TDRD1: variants seen among roughly 807,000 people sequenced by gnomAD.
The protein encoded by TDRD1 is tudor domain-containing protein 1.
Under a neutral mutation model 140.6 loss-of-function variants are expected in TDRD1, and 37 were observed. The observed-to-expected ratio is 0.26, with a 90% CI of 0.20 to 0.35. The LOEUF is 0.35. Among genes scored for constraint, TDRD1 ranks in the 10% least tolerant of loss-of-function variants. TDRD1 has a pLI of 1.00. For missense variants in TDRD1, 1,243 were observed against 1,393.0 expected, an observed-to-expected ratio of 0.89 and a Z score of 1.71; for synonymous variants, 506 against 475.7, an observed-to-expected ratio of 1.06 and a Z score of -0.83.
At position 114,213,956 on chromosome 10, in the gene TDRD1, A is replaced by G. The variant is rs1435783621; in HGVS notation, c.2075-21A>G. The stretch of plus-strand genomic sequence containing the variant: ...CATCCCTCCTCCACTATGTCCATTT[A>G]ATGTTTAATTATTTTCACAGTTCCC... On this transcript the variant is annotated intron_variant, in intron 15 of 25. Transcript: ENST00000251864. The G allele has an allele frequency of 3.1e-6, 5 of 1,613,328 alleles. No homozygotes were observed. In the African/African-American group the frequency reaches 4.0e-5, roughly 13 times the overall value.
chr10:114,181,736 T>C (rs969563731), intron 1 of TDRD1, among the ~76,000 whole-genome samples: 3 of 151,952 alleles, frequency 2.0e-5, no homozygotes, highest in Non-Finnish European at 4.4e-5. Flanking sequence ...TCCCAGCTAC[T>C]TGGGAGGCTG....
chr10:114,217,565 T>C (rs1426653757), exon 17 of TDRD1: 7 of 1,589,550 alleles, frequency 4.4e-6, no homozygotes, highest in Non-Finnish European at 6.0e-6. Flanking sequence ...ACTCAATGAT[T>C]TGAACAAGTC....
chr10:114,231,342 A>T, intron 25 of TDRD1: 3 of 686,596 alleles, frequency 4.4e-6, no homozygotes, highest in Non-Finnish European at 7.6e-6. Flanking sequence ...GGTGGTCATT[A>T]ATTTTCTTAA....
intron 1 of TDRD1, among the ~76,000 whole-genome samples, chr10:114,186,022 TCTAA>T (rs1159779251): frequency 9.9e-5 from 15 of 152,234 alleles, no homozygotes; most frequent in African/African-American, 3.4e-4. Flanking sequence ...CTGAGTTTTA[TCTAA>T]CTAAGACTAA....
At chr10:114,182,477 A>C (rs1424011208) in intron 1 of TDRD1, among the ~76,000 whole-genome samples, 3 of 152,200 alleles carry the variant, frequency 2.0e-5, no homozygotes, top group Non-Finnish European at 4.4e-5. Context: ...TTGTTTCTAA[A>C]GTCAAATATA....
At chr10:114,175,381 G>A (rs553661292), upstream of TDRD1, among the ~76,000 whole-genome samples, 2 of 151,690 alleles carry the variant, frequency 1.3e-5, no homozygotes, top group South Asian at 4.2e-4. Context: ...CACCATAAGA[G>A]AAAAGAAATA....
exon 8 of TDRD1, chr10:114,203,418 G>T: frequency 6.2e-7 from 1 of 1,610,858 alleles, no homozygotes; most frequent in African/African-American, 1.3e-5. Flanking sequence ...ACACCCAGGG[G>T]ACTTCTACGT....
intron 3 of TDRD1, among the ~76,000 whole-genome samples, chr10:114,194,772 T>TTTA (rs2034225054): frequency 1.3e-5 from 2 of 150,866 alleles, no homozygotes; most frequent in Admixed American, 6.6e-5. Flanking sequence ...TTTTTTTTTT[T>TTTA]TTATTAGACA....
At chr10:114,227,037 A>G (rs765909969) in intron 22 of TDRD1, 35 bp from the exon 23 acceptor site, 4 of 1,068,950 alleles carry the variant, frequency 3.7e-6, no homozygotes, top group Non-Finnish European at 5.5e-6. Flanking sequence ...TCTTTTTAAA[A>G]GGGACTAAAA....
Position 114,210,916 on chromosome 10 carries a change from C to T in TDRD1, c.1609C>T (p.Arg537Cys), listed in dbSNP as rs201263506. 356 of 1,614,138 alleles carry T rather than the reference C, an allele frequency of 2.2e-4. No homozygotes were observed. Among genetic ancestry groups the T allele is most frequent in the Non-Finnish European group, 2.8e-4 (329 of 1,179,980 alleles). Residue 537 changes from arginine to cysteine, a missense_variant, in exon 13 of 26, where the codon CGC (arginine) becomes TGC (cysteine). This residue lies in a region of TDRD1 where 392 missense variants were observed against 394.1 expected (regional missense o/e 0.99). Coordinates refer to ENST00000251864, the Ensembl canonical transcript of TDRD1. ...CAAGTACTGTGATCAGTTGCCTCCA[C>T]GCTCTGATTTTTATCCAGCCATTGG...
At chr10:114,188,100 A>G in exon 2 of TDRD1, 1 of 1,611,750 alleles carries the variant, frequency 6.2e-7, no homozygotes, top group Non-Finnish European at 8.5e-7. Flanking sequence ...TCAAACCCGA[A>G]TGGCATCAAC....
chr10:114,231,331 T>C (rs186624759), intron 25 of TDRD1, among the ~76,000 whole-genome samples: 10 of 152,344 alleles, frequency 6.6e-5, no homozygotes, highest in East Asian at 3.9e-4. Flanking sequence ...TGCTATGTTA[T>C]GGTGGTCATT....
intron 16 of TDRD1, among the ~76,000 whole-genome samples, chr10:114,215,397 G>T (rs1203797604): frequency 2.0e-5 from 3 of 152,080 alleles, no homozygotes; most frequent in Non-Finnish European, 4.4e-5. Context: ...GCATTTTCAT[G>T]GAGTCCAAAC....
chr10:114,229,547 CTT>C (rs34051507), intron 25 of TDRD1, among the ~76,000 whole-genome samples: 18 of 126,212 alleles, frequency 1.4e-4, no homozygotes, highest in Non-Finnish European at 2.0e-4. Flanking sequence ...ATCTTTTAAT[CTT>C]TTTTTTTTTT....
chr10:114,209,620 A>G (rs931945485), intron 11 of TDRD1, among the ~76,000 whole-genome samples: 12 of 152,232 alleles, frequency 7.9e-5, no homozygotes, highest in Admixed American at 1.3e-4. Flanking sequence ...ATCCATTTCA[A>G]TGGGATTTCT....
At chr10:114,199,567 C>T (rs980295348) in intron 4 of TDRD1, among the ~76,000 whole-genome samples, 5 of 152,198 alleles carry the variant, frequency 3.3e-5, no homozygotes, top group Middle Eastern at 3.2e-3. Context: ...CACAGACTTA[C>T]ATCCTTGTCA....
intron 23 of TDRD1, among the ~76,000 whole-genome samples, 158 bp from the exon 24 acceptor site, chr10:114,227,752 T>C (rs1319315598): frequency 6.6e-6 from 1 of 152,168 alleles, no homozygotes; most frequent in Non-Finnish European, 1.5e-5. Context: ...ATCCAGACCA[T>C]GGTAGTAGAT....
Position 114,188,812 on chromosome 10 carries a change from G to A in TDRD1, c.325+656G>A, listed in dbSNP as rs187659725. On this transcript the variant is annotated intron_variant, in intron 2 of 25. Transcript: ENST00000251864. Reference sequence around the variant, plus strand: ...GCAGAGGTTGCGGTGAGCTGACATCGTGCCACTGTACTCCAGCCTGGTGAC... The same window carrying A: ...GCAGAGGTTGCGGTGAGCTGACATCATGCCACTGTACTCCAGCCTGGTGAC... 3.9e-4 allele frequency among the ~76,000 whole-genome samples: 58 copies of A among 149,986 alleles called. No individual in the cohort carries two copies. The East Asian group carries it at 0.01, about 26-fold the overall frequency.
intron 1 of TDRD1, among the ~76,000 whole-genome samples, chr10:114,183,411 A>G (rs1176438036): frequency 6.6e-6 from 1 of 152,220 alleles, no homozygotes; most frequent in East Asian, 1.9e-4. Context: ...TTTCATCTAT[A>G]AAAATGATTC....
Sources: gnomAD v4.1 joint callset for allele counts (sites outside exome capture counted in the v4.1 genomes callset) on GRCh38, gnomAD v4.1.1 for gene constraint, gnomAD v4.1.1 regional missense constraint, MANE v1.5 for transcripts, NCBI Gene and HGNC (gene_info 2026-07-23, HGNC 2026-07-21) for gene names.